Variants in LMO7 observed in about 807,000 individuals in gnomAD.
LMO7 encodes LIM domain only protein 7.
In LMO7, 120 loss-of-function variants were observed where a neutral mutation model predicts 206.5. The observed-to-expected ratio is 0.58, with a 90% confidence interval of 0.50 to 0.68. LMO7 has a LOEUF of 0.68. Ranked by LOEUF, LMO7 falls within the 30% of genes least tolerant of loss-of-function variation. The pLI is 0.00. For synonymous variants in LMO7, 706 were observed against 681.5 expected (o/e 1.04, Z -0.56); for missense variants, 1,959 against 1,957.9 (o/e 1.00, Z -0.01).
chr13:75,681,694 A>C (rs2040495264), intron 1 of LMO7, among the ~76,000 whole-genome samples: 1 of 122,032 alleles, frequency 8.2e-6, no homozygotes, highest in South Asian at 2.7e-4. Context: ...TCATGTATGT[A>C]TGTATGTATG....
chr13:75,795,094 C>G (rs1251509829), intron 4 of LMO7, among the ~76,000 whole-genome samples: 1 of 151,780 alleles, frequency 6.6e-6, no homozygotes, highest in East Asian at 1.9e-4. Flanking sequence ...ACAAAAAATG[C>G]ACATAATGTA....
chr13:75,623,359 G>A, intron 2 of LMO7: 1 of 1,120,226 alleles, frequency 8.9e-7, no homozygotes, highest in Non-Finnish European at 1.4e-6. Context: ...GAATCAGAAA[G>A]GCCAAAGCAT....
chr13:75,840,278 C>T (rs1268358147), intron 21 of LMO7, 113 bp from the exon 22 acceptor site: 7 of 1,398,082 alleles, frequency 5.0e-6, no homozygotes, highest in Middle Eastern at 1.8e-4. Flanking sequence ...TCCCTTGGTA[C>T]AGTTTAAGCA....
chr13:75,666,304 C>T (rs942533912), intron 1 of LMO7, among the ~76,000 whole-genome samples: 4 of 152,192 alleles, frequency 2.6e-5, no homozygotes, highest in Non-Finnish European at 5.9e-5. Context: ...TATTTTGCAA[C>T]CTCTGGCATA....
chr13:75,681,718 G>GTATATA (rs71127572), intron 1 of LMO7, among the ~76,000 whole-genome samples: 1,052 of 104,342 alleles, frequency 0.01, 26 homozygotes, highest in South Asian at 0.02. Flanking sequence ...ATATATATAT[G>GTATATA]TATATATATA....
At chr13:75,762,395 CA>C (rs2048324362) in intron 4 of LMO7, among the ~76,000 whole-genome samples, 1 of 152,050 alleles carries the variant, frequency 6.6e-6, no homozygotes, top group Non-Finnish European at 1.5e-5. Context: ...ATCTGATGGG[CA>C]AAGAAACTTT....
intron 3 of LMO7, among the ~76,000 whole-genome samples, chr13:75,746,687 A>G (rs1010787213): frequency 5.9e-5 from 9 of 151,992 alleles, no homozygotes; most frequent in Admixed American, 3.9e-4. Context: ...GTCTCTTGTC[A>G]TCTCCTTGAC....
intron 1 of LMO7, among the ~76,000 whole-genome samples, chr13:75,678,061 G>C (rs2040173035): frequency 6.6e-6 from 1 of 151,996 alleles, no homozygotes; most frequent in South Asian, 2.1e-4. Flanking sequence ...ATTTGGCTTG[G>C]TTCCAAGTCT....
chr13:75,651,690 T>G (rs192096513), intron 1 of LMO7, among the ~76,000 whole-genome samples: 7 of 152,286 alleles, frequency 4.6e-5, no homozygotes, highest in African/African-American at 7.2e-5. Flanking sequence ...CTGAAACACT[T>G]TTGGGGAAAA....
intron 4 of LMO7, among the ~76,000 whole-genome samples, chr13:75,773,649 A>G (rs890884086): frequency 6.6e-6 from 1 of 152,232 alleles, no homozygotes; most frequent in African/African-American, 2.4e-5. Context: ...CTGTGCAACC[A>G]TTAAAAGAAA....
At position 75,856,486 on chromosome 13, in the gene LMO7, C is replaced by CTTTTTTTTT; in HGVS notation, c.4771-18_4771-10dup. The CTTTTTTTTT allele has an allele frequency of 7.8e-7, 1 of 1,278,056 alleles. No individual in the cohort carries two copies. Among genetic ancestry groups the CTTTTTTTTT allele is most frequent in the Admixed American group, 1.9e-5 (1 of 51,584 alleles). The allele number at this position is 1,278,056 out of a possible 1,614,324, so 79.2% of individuals were successfully genotyped here. On this transcript the variant is annotated intron_variant, in intron 29 of 30. Coordinates refer to ENST00000377534, the MANE Select transcript of LMO7 (RefSeq NM_001306080.2). ...CTTGAGCTGACTGATTGTAGATGTT[C>CTTTTTTTTT]TTTTTTTTTTGTTCCCCAGTGTGTT...
At chr13:75,844,649 T>C (rs1470852227) in intron 25 of LMO7, among the ~76,000 whole-genome samples, 2 of 152,072 alleles carry the variant, frequency 1.3e-5, no homozygotes, top group African/African-American at 4.8e-5. Context: ...CCTCAAGTGA[T>C]CCTCCCGCCT....
chr13:75,755,430 T>C (rs1183588596), intron 3 of LMO7, among the ~76,000 whole-genome samples: 1 of 152,198 alleles, frequency 6.6e-6, no homozygotes, highest in Non-Finnish European at 1.5e-5. Context: ...CTGATTTATC[T>C]GGATGCCAGG....
At chr13:75,773,132 C>A (rs1205751616) in intron 4 of LMO7, among the ~76,000 whole-genome samples, 1 of 151,988 alleles carries the variant, frequency 6.6e-6, no homozygotes, top group Non-Finnish European at 1.5e-5. Context: ...GCAAGAAGTC[C>A]AAATCAAACA....
chr13:75,794,320 T>G (rs893545007), intron 4 of LMO7, among the ~76,000 whole-genome samples: 3 of 152,196 alleles, frequency 2.0e-5, no homozygotes, highest in Admixed American at 6.5e-5. Flanking sequence ...GATGTTTTTT[T>G]GGGAGGTGGG....
intron 1 of LMO7, among the ~76,000 whole-genome samples, chr13:75,674,230 AAC>A (rs1287330375): frequency 2.5e-4 from 38 of 152,366 alleles, no homozygotes; most frequent in African/African-American, 8.9e-4. Flanking sequence ...ACAATGCTTA[AAC>A]ACATCTGAAA....
chr13:75,819,617 T>A (rs1176211796), intron 13 of LMO7, 82 bp downstream of exon 13: 1 of 1,281,768 alleles, frequency 7.8e-7, no homozygotes, highest in African/African-American at 1.5e-5. Context: ...AAGTGTAGTG[T>A]GACATAGGTG....
At chr13:75,643,384 A>G (rs1248287035) in intron 1 of LMO7, among the ~76,000 whole-genome samples, 1 of 152,198 alleles carries the variant, frequency 6.6e-6, no homozygotes, top group Non-Finnish European at 1.5e-5. Flanking sequence ...TTGCAGGTGA[A>G]CTCGTTCTTC....
intron 4 of LMO7, among the ~76,000 whole-genome samples, chr13:75,793,434 C>G (rs2053575691): frequency 6.6e-6 from 1 of 152,166 alleles, no homozygotes; most frequent in Admixed American, 6.5e-5. Context: ...CACCACCACG[C>G]CTGGCTAATT....
Sources: gnomAD v4.1 joint callset for allele counts (sites outside exome capture counted in the v4.1 genomes callset) on GRCh38, gnomAD v4.1.1 for gene constraint, MANE v1.5 for transcripts, NCBI Gene and HGNC (gene_info 2026-07-23, HGNC 2026-07-21) for gene names.